PTH2R: variants seen among roughly 807,000 people sequenced by gnomAD.
PTH2R encodes the protein PTH2 receptor.
A neutral mutation model predicts 60.3 loss-of-function variants in PTH2R; 59 were observed. The ratio of observed to expected loss-of-function variants is 0.98; its 90% CI spans 0.79 to 1.22. The LOEUF (loss-of-function observed/expected upper bound fraction) is 1.22, where lower values mean the gene tolerates loss of function less well. Ranked by LOEUF, PTH2R falls within the 50% of genes most tolerant of loss-of-function variation. The probability of loss-of-function intolerance (pLI) is 0.00; values close to 1 mark genes in which losing one functional copy is unlikely to be tolerated. For missense variants in PTH2R, 749 were observed against 682.6 expected (o/e 1.10, Z -1.08); for synonymous variants, 256 against 243.8 (o/e 1.05, Z -0.47).
upstream of PTH2R, among the ~76,000 whole-genome samples, chr2:208,406,106 C>T (rs568879693): frequency 6.6e-6 from 1 of 152,150 alleles, no homozygotes; most frequent in Non-Finnish European, 1.5e-5. Context: ...ATGTAATTTG[C>T]TCAGGGTTAT....
Position 208,362,217 on chromosome 2 carries a change from G to C in PTH2R, c.-259+1980G>C, listed in dbSNP as rs565371848. On this transcript the variant is annotated intron_variant, in intron 1 of 12. Coordinates refer to the PTH2R transcript ENST00000617735. The stretch of plus-strand genomic sequence containing the variant: ...TCACTGTATGTTTCCCTGATTCTCA[G>C]GCCTTTGGACTTGAATTGAATTACA... 4.3e-4 allele frequency among the ~76,000 whole-genome samples: 66 copies of C among 152,270 alleles called. 1 individual carries two copies. The South Asian group carries it at 0.013, about 31-fold the overall frequency.
intron 1 of PTH2R, among the ~76,000 whole-genome samples, chr2:208,390,869 G>A (rs995379366): frequency 1.3e-5 from 2 of 152,206 alleles, no homozygotes; most frequent in Admixed American, 6.5e-5. Context: ...GACTGAGTAC[G>A]ATGAGTAGTT....
chr2:208,459,972 A>C lies in PTH2R; in HGVS notation c.981+11A>C. 1.2e-6 allele frequency: 2 copies of C among 1,610,928 alleles called. No individual in the cohort carries two copies. Among genetic ancestry groups the C allele is most frequent in the Non-Finnish European group, 1.7e-6 (2 of 1,178,100 alleles). ...TTAGCAGCTATTGGGGTAAGTTTAA[A>C]AGTTTGTATAGTTAAAAAAGGGATG... On this transcript the variant is annotated intron_variant, in intron 9 of 12. Coordinates refer to ENST00000272847, the MANE Select transcript of PTH2R (RefSeq NM_005048.4).
At chr2:208,425,325 A>G (rs1398239744) in intron 1 of PTH2R, among the ~76,000 whole-genome samples, 1 of 152,148 alleles carries the variant, frequency 6.6e-6, no homozygotes, top group African/African-American at 2.4e-5. Context: ...AAAGAGGGAC[A>G]TGGTGGAAGC....
chr2:208,370,259 T>G (rs928320345), intron 1 of PTH2R, among the ~76,000 whole-genome samples: 5 of 151,632 alleles, frequency 3.3e-5, no homozygotes, highest in African/African-American at 1.2e-4. Flanking sequence ...CTAGCTAACA[T>G]GGTGAAACCC....
At chr2:208,423,936 A>G (rs1701805074) in intron 1 of PTH2R, among the ~76,000 whole-genome samples, 2 of 152,194 alleles carry the variant, frequency 1.3e-5, no homozygotes, top group Non-Finnish European at 2.9e-5. Context: ...TACTGCTCAT[A>G]GAAGTAGAAG....
At chr2:208,406,175 CAA>C (rs1163398289), upstream of PTH2R, among the ~76,000 whole-genome samples, 1 of 151,892 alleles carries the variant, frequency 6.6e-6, no homozygotes, top group Non-Finnish European at 1.5e-5. Flanking sequence ...GAGGCAAGAA[CAA>C]GAGATTTTAA....
intron 9 of PTH2R, 129 bp downstream of exon 9, chr2:208,460,090 T>C (rs1574893610): frequency 5.3e-6 from 4 of 754,910 alleles, no homozygotes; most frequent in East Asian, 2.6e-5. Flanking sequence ...GCAACATCTA[T>C]TGGGAGAGTC....
chr2:208,492,931 A>G (rs1179128503), intron 12 of PTH2R, among the ~76,000 whole-genome samples: 2 of 152,090 alleles, frequency 1.3e-5, no homozygotes, highest in Non-Finnish European at 2.9e-5. Flanking sequence ...GGCAATGTTT[A>G]TCTTGAGTTT....
intron 1 of PTH2R, among the ~76,000 whole-genome samples, chr2:208,374,707 T>C (rs1234705093): frequency 6.6e-6 from 1 of 151,970 alleles, no homozygotes; most frequent in Non-Finnish European, 1.5e-5. Context: ...GGTTTCGCCA[T>C]CTTGGCCAGG....
intron 9 of PTH2R, among the ~76,000 whole-genome samples, chr2:208,479,176 T>G (rs1703089113): frequency 6.6e-6 from 1 of 152,110 alleles, no homozygotes; most frequent in Admixed American, 6.5e-5. Flanking sequence ...TCTTCTCAGT[T>G]ATTAAATGGG....
chr2:208,445,179 T>C (rs528189910), intron 7 of PTH2R, among the ~76,000 whole-genome samples: 1 of 152,320 alleles, frequency 6.6e-6, no homozygotes, highest in South Asian at 2.1e-4. Context: ...GCCATACACA[T>C]GTACAACTAA....
intron 1 of PTH2R, among the ~76,000 whole-genome samples, chr2:208,413,999 G>A (rs993399414): frequency 8.5e-5 from 13 of 152,202 alleles, no homozygotes; most frequent in African/African-American, 3.1e-4. Flanking sequence ...TATCCCCCAC[G>A]TCTGCTTTTA....
Position 208,493,455 on chromosome 2 carries a change from C to G in PTH2R, c.1449C>G (p.Ser483Arg), listed in dbSNP as rs777037676. The part of the protein sequence containing the change: ...LISGKAAKIA[S>R]RQPDSHITLP... Reference sequence around the variant, plus strand: ...CTGGCAAAGCTGCCAAGATCGCCAGCAGACAGCCTGACAGCCACATCACTT... The same window carrying G: ...CTGGCAAAGCTGCCAAGATCGCCAGGAGACAGCCTGACAGCCACATCACTT... Residue 483 changes from serine to arginine, a missense_variant, in exon 13 of 13, where the codon AGC becomes AGG. Transcript: ENST00000272847. 20 of 1,610,330 alleles carry G rather than the reference C, an allele frequency of 1.2e-5. No homozygotes were observed. In the South Asian group the frequency reaches 2.0e-4, roughly 16 times the overall value.
intron 11 of PTH2R, among the ~76,000 whole-genome samples, chr2:208,489,484 A>G (rs1481551195): frequency 1.3e-5 from 2 of 152,106 alleles, no homozygotes; most frequent in African/African-American, 4.8e-5. Flanking sequence ...ACAAAAGTAA[A>G]AGAAGGTGAA....
Position 208,406,952 on chromosome 2 carries a change from A to C in PTH2R, c.-92A>C. ...CCAGCTGCGCGTCGTTACTGGCCAC[A>C]AGTTTGCTCTGGGCCAGCCAAGTTG... On this transcript the variant is annotated 5_prime_UTR_variant, in exon 1 of 13. Coordinates refer to ENST00000272847, the MANE Select transcript of PTH2R (RefSeq NM_005048.4). The C allele has an allele frequency of 8.9e-7, 1 of 1,129,394 alleles. No homozygotes were observed. The highest frequency in any genetic ancestry group is 1.2e-6 in the Non-Finnish European group (1 of 847,918). The allele number at this position is 1,129,394 out of a possible 1,614,324, so 70.0% of individuals were successfully genotyped here.
rs1194975395 is a variant in PTH2R at position 208,438,108 on chromosome 2, G to C, written c.411+227G>C. On this transcript the variant is annotated intron_variant, in intron 4 of 12. Coordinates refer to ENST00000272847, the MANE Select transcript of PTH2R (RefSeq NM_005048.4). ...GATACATACATCCATACTTATACCT[G>C]TGTGTGTGTTATGTTTATTATGTTA... is the stretch of plus-strand genomic sequence containing the variant. Among the ~76,000 whole-genome samples, 3 of 151,258 alleles carry C rather than the reference G, an allele frequency of 2.0e-5. No homozygotes were observed. The Admixed American group carries it at 2.0e-4, about 10-fold the overall frequency.
intron 1 of PTH2R, among the ~76,000 whole-genome samples, chr2:208,382,519 T>G (rs753819621): frequency 3.3e-5 from 5 of 152,160 alleles, no homozygotes; most frequent in Non-Finnish European, 7.3e-5. Context: ...AGTGTAGGAA[T>G]TGCCTAGGTA....
In PTH2R at chr2:208,388,143, C is replaced by CA. The variant is rs1553540982; in HGVS notation, c.-259+27906_-259+27907insA. Reference sequence around the variant, plus strand: ...GCTAACATGGTGAAACCCCCCCCCCCGTCTCTACTAAAAATACAAAAAATT... The same window carrying CA: ...GCTAACATGGTGAAACCCCCCCCCCCAGTCTCTACTAAAAATACAAAAAATT... On this transcript the variant is annotated intron_variant, in intron 1 of 12. Transcript: ENST00000617735. Among the ~76,000 whole-genome samples, 4 of 148,970 alleles carry CA rather than the reference C, an allele frequency of 2.7e-5. 1 individual carries two copies. In the South Asian group the frequency reaches 6.6e-4, roughly 25 times the overall value.
Sources: gnomAD v4.1 joint callset for allele counts (sites outside exome capture counted in the v4.1 genomes callset) on GRCh38, gnomAD v4.1.1 for gene constraint, MANE v1.5 for transcripts, NCBI Gene and HGNC (gene_info 2026-07-23, HGNC 2026-07-21) for gene names.